The following ARMH1 variants were observed in gnomAD, a reference collection of about 807,000 sequenced individuals.
The protein encoded by ARMH1 is armadillo like helical domain containing 1.
ARMH1 carries 34 observed loss-of-function variants against 50.2 expected under a neutral mutation model. That is an observed-to-expected ratio of 0.68 (90% CI 0.51 to 0.90). The LOEUF (loss-of-function observed/expected upper bound fraction) is 0.90. Ranked by LOEUF, ARMH1 falls within the 40% of genes least tolerant of loss-of-function variation. The pLI, the probability that ARMH1 is intolerant of heterozygous loss-of-function variation, is 0.00. For synonymous variants in ARMH1, 221 were observed against 224.2 expected, an observed-to-expected ratio of 0.99 and a Z score of 0.13; for missense variants, 538 against 553.9, an observed-to-expected ratio of 0.97 and a Z score of 0.29.
Position 44,724,255 on chromosome 1 carries a change from G to A in ARMH1, c.847+11G>A. The A allele has an allele frequency of 6.4e-7, 1 of 1,551,508 alleles. No homozygotes were observed. Among genetic ancestry groups the A allele is most frequent in the Non-Finnish European group, 8.7e-7 (1 of 1,146,868 alleles). On this transcript the variant is annotated intron_variant, in intron 7 of 11. Transcript: ENST00000535358. This position sits in a 1 kb window ranked among gnomAD's most constrained non-coding sequence, Gnocchi z 6.4. ...CCAAGATCCTCAGTGGTAAGGACCT[G>A]CTCAAATGGGGCTGCCTGGGCCACG... is the stretch of plus-strand genomic sequence containing the variant.
rs117370723 is a variant in ARMH1, at chr1:44,687,315, A to G, written c.-22-2361A>G. Among the ~76,000 whole-genome samples the G allele has an allele frequency of 7.4e-4, 113 of 152,296 alleles. 1 individual carries two copies. The East Asian group carries it at 0.019, about 26-fold the overall frequency. On this transcript the variant is annotated intron_variant, in intron 1 of 11. Transcript: ENST00000535358. ...TATTGGATAAAGGCCCACCCTAATG[A>G]CATAGTTTAAACCTAATTTCCTCTT...
intron 1 of ARMH1, among the ~76,000 whole-genome samples, chr1:44,685,394 G>A (rs1307382676): frequency 1.4e-5 from 2 of 146,462 alleles, no homozygotes; most frequent in African/African-American, 5.1e-5. Flanking sequence ...CTGCAGCCCC[G>A]ACCTGGTCTC....
At chr1:44,718,310 T>A (rs1646932262) in intron 6 of ARMH1, among the ~76,000 whole-genome samples, 1 of 152,210 alleles carries the variant, frequency 6.6e-6, no homozygotes, top group African/African-American at 2.4e-5. Flanking sequence ...AGGGACGTGC[T>A]GCAGGCGACA....
intron 2 of ARMH1, among the ~76,000 whole-genome samples, chr1:44,692,187 T>C (rs1438990871): frequency 6.6e-6 from 1 of 152,158 alleles, no homozygotes; most frequent in Non-Finnish European, 1.5e-5. Context: ...CCTTGGAGTT[T>C]GAAGCTGCAG....
chr1:44,702,317 C>G (rs1219616072), intron 5 of ARMH1, among the ~76,000 whole-genome samples: 1 of 152,094 alleles, frequency 6.6e-6, no homozygotes, highest in African/African-American at 2.4e-5. Flanking sequence ...GTGACTTACC[C>G]AAGGCCGCAT....
chr1:44,682,826 GC>G lies in ARMH1; in HGVS notation c.-22-6849del, dbSNP rs1645354878. Among the ~76,000 whole-genome samples, 1 of 152,188 alleles carries G rather than the reference GC, an allele frequency of 6.6e-6. No individual in the cohort carries two copies. The highest frequency in any genetic ancestry group is 1.5e-5 in the Non-Finnish European group (1 of 68,040). The stretch of plus-strand genomic sequence containing the variant: ...ATGGTGGCATGCACCTGTAGTCCCA[GC>G]TACTCAGGAGGCTGAGGTGGGAGGA... On this transcript the variant is annotated intron_variant, in intron 1 of 11. Coordinates refer to ENST00000535358, the MANE Select transcript of ARMH1 (RefSeq NM_001145636.2). This position sits in a 1 kb window ranked among gnomAD's most constrained non-coding sequence, Gnocchi z 4.5.
At chr1:44,723,579 TG>T (rs1216652053) in intron 6 of ARMH1, among the ~76,000 whole-genome samples, 1 of 152,166 alleles carries the variant, frequency 6.6e-6, no homozygotes, top group Non-Finnish European at 1.5e-5. Context: ...AAAGGTAAAA[TG>T]GGGAAGTGAA....
rs1404365069 is a variant in ARMH1, at chr1:44,698,147, G to A, written c.360G>A (p.Glu120=). The change falls in exon 4 of 12, where the codon GAG becomes GAA. Residue 120 remains glutamate, a synonymous_variant. Transcript: ENST00000535358. ...TTGGGCTAGAGAAGATCAAGGAGGA[G>A]GCCAAGAAGGAATCTGTCAAACTAC... ...EILGLEKIKE[E]AKKESVKLLQ... is the part of the protein sequence containing the mutation. 1.3e-6 allele frequency: 2 copies of A among 1,552,364 alleles called. No homozygotes were observed. The highest frequency in any genetic ancestry group is 4.9e-5 in the East Asian group (2 of 40,924).
intron 4 of ARMH1, 101 bp from the exon 5 acceptor site, chr1:44,700,822 T>C (rs1201137263): frequency 9.2e-7 from 1 of 1,081,470 alleles, no homozygotes; most frequent in Non-Finnish European, 1.3e-6. Flanking sequence ...TTGAACAGGC[T>C]TGGTTGAAGA....
chr1:44,698,075 T>C lies in ARMH1; in HGVS notation c.288T>C (p.Leu96=), dbSNP rs1645890201. The C allele has an allele frequency of 6.5e-7, 1 of 1,550,248 alleles. No individual in the cohort carries two copies. The highest frequency in any genetic ancestry group is 1.4e-5 in the African/African-American group (1 of 73,020). ...FLSAVSSNRY[L]IEFLEVGGVL... ...TCCCTCTGGACAGTAATCGGTACCT[T>C]ATAGAATTTCTTGAGGTTGGAGGTG... Residue 96 remains leucine, a synonymous_variant, in exon 4 of 12, where the codon CTT becomes CTC. Coordinates refer to ENST00000535358, the MANE Select transcript of ARMH1 (RefSeq NM_001145636.2).
intron 1 of ARMH1, among the ~76,000 whole-genome samples, chr1:44,677,751 C>A (rs550405932): frequency 6.6e-6 from 1 of 152,210 alleles, no homozygotes; most frequent in East Asian, 1.9e-4. Context: ...AGCTAGGTAC[C>A]AGTCTCTGAT....
chr1:44,699,010 C>T (rs190205209), intron 4 of ARMH1, among the ~76,000 whole-genome samples: 24 of 151,878 alleles, frequency 1.6e-4, no homozygotes, highest in Admixed American at 8.5e-4. Context: ...AGGCCAGGCG[C>T]GGTGGCTCAC....
Position 44,724,208 on chromosome 1 carries a change from AAGG to A in ARMH1, c.814_816del (p.Glu272del), listed in dbSNP as rs1647867701. ...CGTGGCGCTGCTGATACCGTCGGTCAAGGAGATCTCCAAACTGCAGGCCAAGAT... is the reference window on the plus strand; with the variant it reads ...CGTGGCGCTGCTGATACCGTCGGTCAAGATCTCCAAACTGCAGGCCAAGAT... On this transcript the variant is annotated inframe_deletion, in exon 7 of 12. Transcript: ENST00000535358. The surrounding 1 kb of genome is among the most constrained non-coding windows in gnomAD (Gnocchi z 6.4). 10 of 1,551,570 alleles carry A rather than the reference AAGG, an allele frequency of 6.4e-6. No homozygotes were observed. The highest frequency in any genetic ancestry group is 1.4e-5 in the African/African-American group (1 of 73,058).
intron 2 of ARMH1, among the ~76,000 whole-genome samples, chr1:44,692,103 C>T (rs1645677441): frequency 6.6e-6 from 1 of 152,136 alleles, no homozygotes; most frequent in African/African-American, 2.4e-5. Context: ...TAAACCCCTT[C>T]CTTGACCCAT....
At chr1:44,696,999 T>C in intron 2 of ARMH1, 103 bp from the exon 3 acceptor site, 1 of 791,192 alleles carries the variant, frequency 1.3e-6, no homozygotes, top group South Asian at 1.5e-5. Context: ...ACAGTTCAGC[T>C]ACTTGGCCAC....
intron 1 of ARMH1, among the ~76,000 whole-genome samples, chr1:44,678,354 G>A (rs4660819): frequency 0.03 from 4,511 of 151,744 alleles, 148 homozygotes; most frequent in Admixed American, 0.076. Context: ...GGAGATGGGG[G>A]AAAGGAGTTC....
chr1:44,719,026 A>AC (rs891846879), intron 6 of ARMH1, among the ~76,000 whole-genome samples: 1 of 72,262 alleles, frequency 1.4e-5, no homozygotes, highest in Admixed American at 1.4e-4. Context: ...ACTGTCTCGG[A>AC]AAAAAAAAAA....
chr1:44,711,749 G>C (rs1646625232), intron 6 of ARMH1, among the ~76,000 whole-genome samples: 1 of 152,182 alleles, frequency 6.6e-6, no homozygotes, highest in South Asian at 2.1e-4. Flanking sequence ...TTCTCACAGA[G>C]CTTTGTTACA....
intron 6 of ARMH1, among the ~76,000 whole-genome samples, chr1:44,708,787 TC>T (rs572790963): frequency 4.8e-4 from 73 of 152,216 alleles, no homozygotes; most frequent in African/African-American, 1.4e-3. Context: ...GTTAGCCACG[TC>T]CTCTGCTCTC....
Sources: allele counts gnomAD v4.1 joint callset (sites outside exome capture counted in the v4.1 genomes callset), GRCh38; gene constraint gnomAD v4.1.1; non-coding constraint Gnocchi (gnomAD v3.1); transcripts MANE v1.5; gene names NCBI Gene and HGNC (gene_info 2026-07-23, HGNC 2026-07-21).